Variants in KLHL5 observed in about 807,000 individuals in gnomAD.
KLHL5 encodes kelch like family member 5.
In KLHL5, 48 loss-of-function variants were observed where a neutral mutation model predicts 77.7. The ratio of observed to expected loss-of-function variants is 0.62; its 90% confidence interval spans 0.49 to 0.79. The LOEUF is 0.79. KLHL5 is among the 30% of genes least tolerant of loss of function. KLHL5 has a pLI of 0.00. For synonymous variants in KLHL5, 260 were observed against 297.0 expected (o/e 0.88, Z 1.28); for missense variants, 723 against 859.7 (o/e 0.84, Z 1.99).
At chr4:39,093,389 G>A (rs1173403817) in intron 5 of KLHL5, 3 of 455,752 alleles carry the variant, frequency 6.6e-6, no homozygotes, top group Admixed American at 2.4e-5. Flanking sequence ...TAATTGAGGT[G>A]ATGAAAATGT....
chr4:39,064,075 A>G (rs1402717989), intron 1 of KLHL5, among the ~76,000 whole-genome samples: 1 of 152,142 alleles, frequency 6.6e-6, no homozygotes, highest in Non-Finnish European at 1.5e-5. Context: ...TTAATGATGT[A>G]GGTGTCATAT....
chr4:39,135,370 CT>C, the KLHL5 span: 2 of 152,228 alleles, frequency 1.3e-5, no homozygotes, highest in Non-Finnish European at 2.9e-5. Flanking sequence ...CTATCCTGCT[CT>C]TTGTCCTGGA....
chr4:39,116,444 T>A (rs1722847725), intron 10 of KLHL5: 1 of 152,070 alleles, frequency 6.6e-6, no homozygotes, highest in African/African-American at 2.4e-5. Context: ...CACAAGGCAG[T>A]GGGTATTTAG....
intron 5 of KLHL5, among the ~76,000 whole-genome samples, chr4:39,088,146 G>A (rs1307082509): frequency 6.6e-6 from 1 of 152,114 alleles, no homozygotes; most frequent in East Asian, 1.9e-4. Flanking sequence ...AATCCGATTC[G>A]ACTTTGAGAA....
chr4:39,078,842 A>G (rs925721751), intron 2 of KLHL5, among the ~76,000 whole-genome samples: 9 of 152,094 alleles, frequency 5.9e-5, no homozygotes, highest in Middle Eastern at 3.2e-3. Context: ...AGAAATTACC[A>G]CTAAAGAACT....
At chr4:39,070,419 A>G (rs189794089) in intron 1 of KLHL5, among the ~76,000 whole-genome samples, 1 of 152,166 alleles carries the variant, frequency 6.6e-6, no homozygotes, top group Non-Finnish European at 1.5e-5. Flanking sequence ...TTTGACCAGT[A>G]TTCTATTTTT....
At chr4:39,104,173 A>G (rs1032835832) in intron 7 of KLHL5, among the ~76,000 whole-genome samples, 35 of 152,160 alleles carry the variant, frequency 2.3e-4, no homozygotes, top group Admixed American at 2.3e-3. Context: ...TCAAAGAGAC[A>G]TAGATTTCCA....
At chr4:39,065,762 ATATCT>A (rs1277647046) in intron 1 of KLHL5, among the ~76,000 whole-genome samples, 1 of 77,240 alleles carries the variant, frequency 1.3e-5, no homozygotes, top group Non-Finnish European at 3.0e-5. Context: ...CTACAGATTG[ATATCT>A]TAAAATGTTA....
the KLHL5 span, among the ~76,000 whole-genome samples, chr4:39,140,047 C>T: frequency 1.3e-5 from 2 of 152,008 alleles, no homozygotes; most frequent in Non-Finnish European, 2.9e-5. Flanking sequence ...GGCAACATGG[C>T]AAAACCCCAT....
chr4:39,058,080 C>T (rs1717122630), upstream of KLHL5, among the ~76,000 whole-genome samples: 1 of 152,084 alleles, frequency 6.6e-6, no homozygotes, highest in African/African-American at 2.4e-5. Flanking sequence ...AAAATGTATT[C>T]ATAATTGACA....
intron 7 of KLHL5, among the ~76,000 whole-genome samples, chr4:39,105,629 T>C (rs536193872): frequency 3.8e-4 from 58 of 151,376 alleles, no homozygotes; most frequent in Non-Finnish European, 7.4e-4. Context: ...TTTTAATGTG[T>C]ATTTATATGT....
intron 1 of KLHL5, among the ~76,000 whole-genome samples, chr4:39,055,584 A>G (rs934610224): frequency 6.6e-6 from 1 of 152,230 alleles, no homozygotes; most frequent in Non-Finnish European, 1.5e-5. Context: ...AAGTTAAAAT[A>G]ACATCTTTAA....
intron 8 of KLHL5, among the ~76,000 whole-genome samples, chr4:39,111,437 A>G (rs1033106025): frequency 6.6e-6 from 1 of 152,204 alleles, no homozygotes; most frequent in Admixed American, 6.5e-5. Flanking sequence ...TCTTTACAAT[A>G]AAGTCCCACG....
At chr4:39,082,282 T>C in intron 4 of KLHL5, 123 bp downstream of exon 4, 1 of 735,170 alleles carries the variant, frequency 1.4e-6, no homozygotes, top group Non-Finnish European at 2.2e-6. Context: ...TGAGCTTCAT[T>C]GCCTAGTGTG....
chr4:39,067,694 G>A (rs1383820134), intron 1 of KLHL5, among the ~76,000 whole-genome samples: 1 of 137,980 alleles, frequency 7.2e-6, no homozygotes, highest in Admixed American at 7.4e-5. Flanking sequence ...TTTTTTTAGT[G>A]AGACAAAGTC....
At chr4:39,071,514 G>A (rs1718477565) in intron 1 of KLHL5, among the ~76,000 whole-genome samples, 1 of 152,170 alleles carries the variant, frequency 6.6e-6, no homozygotes, top group Non-Finnish European at 1.5e-5. Context: ...TGTATTGTGT[G>A]AGCACATGTA....
At chr4:39,089,217 T>C (rs1457005497) in intron 5 of KLHL5, among the ~76,000 whole-genome samples, 2 of 152,026 alleles carry the variant, frequency 1.3e-5, no homozygotes, top group African/African-American at 2.4e-5. Flanking sequence ...TGAGGTCAAA[T>C]TGACAAAACT....
intron 8 of KLHL5, among the ~76,000 whole-genome samples, chr4:39,110,481 C>G (rs1259586886): frequency 6.6e-6 from 1 of 152,018 alleles, no homozygotes; most frequent in Non-Finnish European, 1.5e-5. Context: ...ACTTTTGAGA[C>G]AGGGTCTAGC....
At chr4:39,088,475 T>TA (rs941531584) in intron 5 of KLHL5, among the ~76,000 whole-genome samples, 15 of 152,226 alleles carry the variant, frequency 9.9e-5, no homozygotes, top group Non-Finnish European at 4.4e-5. Context: ...ATAGGGCTAA[T>TA]AAGAGGCAGA....
Sources: gnomAD v4.1 joint callset for allele counts (sites outside exome capture counted in the v4.1 genomes callset) on GRCh38, gnomAD v4.1.1 for gene constraint, MANE v1.5 for transcripts, NCBI Gene and HGNC (gene_info 2026-07-23, HGNC 2026-07-21) for gene names.